CELA2A: variants seen among roughly 807,000 people sequenced by gnomAD.
The protein encoded by CELA2A is chymotrypsin-like elastase family member 2A.
CELA2A carries 31 observed loss-of-function variants against 35.3 expected under a neutral mutation model. The ratio of observed to expected loss-of-function variants is 0.88; its 90% CI spans 0.66 to 1.19. The LOEUF (loss-of-function observed/expected upper bound fraction) is 1.19. Among genes scored for constraint, CELA2A ranks in the 50% most tolerant of loss-of-function variants. CELA2A has a pLI of 0.00. For synonymous variants in CELA2A, 150 were observed against 149.8 expected, an observed-to-expected ratio of 1.00 and a Z score of -0.01; for missense variants, 330 against 352.9, an observed-to-expected ratio of 0.94 and a Z score of 0.52.
In CELA2A at chr1:15,463,543, C is replaced by T. The variant is rs781297135; in HGVS notation, c.493+21C>T. 23 of 1,612,696 alleles carry T rather than the reference C, an allele frequency of 1.4e-5. No homozygotes were observed. In the South Asian group the frequency reaches 2.1e-4, roughly 15 times the overall value. ...GCAGAGTAAGTGGGAGCCAGGAGCC[C>T]CCAGGCCTGGGAGGGAAGGGAGGTG... On this transcript the variant is annotated intron_variant, in intron 5 of 7. Coordinates refer to ENST00000359621, the MANE Select transcript of CELA2A (RefSeq NM_033440.3).
chr1:15,468,091 TAA>T (rs35520894), intron 7 of CELA2A, among the ~76,000 whole-genome samples: 2,275 of 86,418 alleles, frequency 0.026, 31 homozygotes, highest in African/African-American at 0.072. Context: ...AAACTCCATC[TAA>T]AAAAAAAAAA....
chr1:15,470,047 G>C (rs776801034), intron 7 of CELA2A, among the ~76,000 whole-genome samples: 4 of 152,214 alleles, frequency 2.6e-5, no homozygotes, highest in Non-Finnish European at 5.9e-5. Context: ...GATCCACGGG[G>C]CAGCACGCCT....
At chr1:15,465,952 C>T in intron 5 of CELA2A, 47 bp from the exon 6 acceptor site, 1 of 1,607,508 alleles carries the variant, frequency 6.2e-7, no homozygotes, top group South Asian at 1.1e-5. Flanking sequence ...CTTCCTTTTT[C>T]TCAGGAGTCC....
rs141512156 is a variant in CELA2A, at chr1:15,457,019, G to A, written c.41-67G>A. ...TTTTCTATTTGGGGGGTCAGAATGC[G>A]CAGCAAGTGTAGTTTACATTGTGTG... On this transcript the variant is annotated intron_variant, in intron 1 of 7. Transcript: ENST00000359621. 709 of 1,480,116 alleles carry A rather than the reference G, an allele frequency of 4.8e-4. 3 individuals carry two copies. The African/African-American group carries it at 7.3e-3, about 15-fold the overall frequency. 91.7% of individuals were successfully genotyped at this position (1,480,116 alleles called of 1,614,324 possible).
At chr1:15,464,478 T>G (rs1433686267) in intron 5 of CELA2A, among the ~76,000 whole-genome samples, 2 of 152,036 alleles carry the variant, frequency 1.3e-5, no homozygotes, top group East Asian at 3.8e-4. Flanking sequence ...AAGGGATGAG[T>G]AATAATGACC....
intron 2 of CELA2A, among the ~76,000 whole-genome samples, chr1:15,458,993 AT>A (rs575868715): frequency 7.1e-6 from 1 of 141,346 alleles, no homozygotes; most frequent in African/African-American, 2.6e-5. Flanking sequence ...GATATTTCAC[AT>A]TTTTTTCTTT....
At chr1:15,459,334 C>CTT (rs79235024) in intron 2 of CELA2A, among the ~76,000 whole-genome samples, 1 of 98,732 alleles carries the variant, frequency 1.0e-5, no homozygotes, top group Non-Finnish European at 2.3e-5. Context: ...GGTTAAGTTT[C>CTT]TTTTTTTTTT....
At chr1:15,462,017 G>A (rs1395025870) in intron 3 of CELA2A, 4 of 505,274 alleles carry the variant, frequency 7.9e-6, no homozygotes, top group African/African-American at 7.8e-5. Flanking sequence ...GAAAAATGGA[G>A]TAACAGAATT....
chr1:15,465,925 CTA>C, intron 5 of CELA2A, 72 bp from the exon 6 acceptor site: 4 of 1,562,898 alleles, frequency 2.6e-6, no homozygotes, highest in Non-Finnish European at 3.5e-6. Context: ...CAGGGGAAAC[CTA>C]AGACGGGTCC....
At chr1:15,467,576 C>A in intron 7 of CELA2A, 38 bp downstream of exon 7, 2 of 1,606,198 alleles carry the variant, frequency 1.2e-6, no homozygotes, top group Non-Finnish European at 1.7e-6. Context: ...AAGGCACTAC[C>A]CTGCTCACCT....
At chr1:15,458,193 C>G (rs1570794332) in intron 2 of CELA2A, among the ~76,000 whole-genome samples, 1 of 151,962 alleles carries the variant, frequency 6.6e-6, no homozygotes, top group East Asian at 1.9e-4. Flanking sequence ...TAAGCCATGC[C>G]CCATATCTTA....
chr1:15,461,049 T>A (rs1472843235), intron 2 of CELA2A, among the ~76,000 whole-genome samples: 1 of 152,062 alleles, frequency 6.6e-6, no homozygotes, highest in Non-Finnish European at 1.5e-5. Context: ...CAGGGAGAAG[T>A]GCCGAGCAAA....
chr1:15,471,725 G>T (rs1174713077), intron 7 of CELA2A, among the ~76,000 whole-genome samples: 4 of 147,762 alleles, frequency 2.7e-5, no homozygotes, highest in Non-Finnish European at 6.1e-5. Flanking sequence ...ATAATTTTTA[G>T]GGGTTCGAAG....
chr1:15,458,508 G>A (rs1357479186), intron 2 of CELA2A, among the ~76,000 whole-genome samples: 1 of 152,204 alleles, frequency 6.6e-6, no homozygotes, highest in African/African-American at 2.4e-5. Flanking sequence ...TCTACCTTAA[G>A]TAGGAGGAGC....
At chr1:15,462,596 G>T in intron 3 of CELA2A, 137 bp from the exon 4 acceptor site, 1 of 1,032,282 alleles carries the variant, frequency 9.7e-7, no homozygotes, top group African/African-American at 1.6e-5. Context: ...ATAACTAACT[G>T]ATTGTCCCAG....
At chr1:15,468,223 C>T (rs1249887265) in intron 7 of CELA2A, among the ~76,000 whole-genome samples, 9 of 152,024 alleles carry the variant, frequency 5.9e-5, no homozygotes, top group Admixed American at 5.9e-4. Context: ...AGCCCAAAAC[C>T]TGATATCCCC....
intron 2 of CELA2A, among the ~76,000 whole-genome samples, chr1:15,458,479 A>G (rs1222691229): frequency 6.6e-6 from 1 of 152,216 alleles, no homozygotes; most frequent in Non-Finnish European, 1.5e-5. Flanking sequence ...GAGCAAACCC[A>G]GCTGAATCAG....
chr1:15,466,920 A>G (rs571270324), intron 6 of CELA2A, among the ~76,000 whole-genome samples: 4 of 152,258 alleles, frequency 2.6e-5, no homozygotes, highest in Non-Finnish European at 4.4e-5. Flanking sequence ...GGAGTAGGAA[A>G]GAGTTCCACA....
At chr1:15,466,833 C>T (rs1041078915) in intron 6 of CELA2A, among the ~76,000 whole-genome samples, 9 of 152,180 alleles carry the variant, frequency 5.9e-5, no homozygotes, top group South Asian at 2.1e-4. Flanking sequence ...CAGGTAGCTG[C>T]CACGGAAACC....
Sources: allele counts gnomAD v4.1 joint callset (sites outside exome capture counted in the v4.1 genomes callset), GRCh38; gene constraint gnomAD v4.1.1; transcripts MANE v1.5; gene names NCBI Gene and HGNC (gene_info 2026-07-23, HGNC 2026-07-21).